Variants in PLA2G6 observed in about 807,000 individuals in gnomAD.
PLA2G6 encodes the protein 85/88 kDa calcium-independent phospholipase A2.
Under a neutral mutation model 83.8 loss-of-function variants are expected in PLA2G6, and 62 were observed. The observed-to-expected ratio is 0.74, with a 90% CI of 0.60 to 0.91. The LOEUF is 0.91. Ranked by LOEUF, PLA2G6 falls within the 40% of genes least tolerant of loss-of-function variation. The pLI is 0.00. For missense variants in PLA2G6, 944 were observed against 1,102.0 expected (o/e 0.86, Z 2.03); for synonymous variants, 417 against 449.8 (o/e 0.93, Z 0.92).
At position 38,160,706 on chromosome 22, in the gene PLA2G6, G is replaced by T. The variant is rs11913898; in HGVS notation, c.209+8512C>A. Among the ~76,000 whole-genome samples, 61 of 152,278 alleles carry T rather than the reference G, an allele frequency of 4.0e-4. 1 individual carries two copies. Among genetic ancestry groups the T allele is most frequent in the African/African-American group, 1.4e-3 (58 of 41,556 alleles). ...CTAAAATACAAAAAATTAGCCGGGC[G>T]TGGTGGCGGGCACCTGTAGTCCCAG... On this transcript the variant is annotated intron_variant, in intron 2 of 16. Coordinates refer to ENST00000332509, the MANE Select transcript of PLA2G6 (RefSeq NM_003560.4).
intron 12 of PLA2G6, 82 bp downstream of exon 12, chr22:38,120,677 G>A: frequency 6.6e-7 from 1 of 1,516,824 alleles, no homozygotes; most frequent in Admixed American, 1.7e-5. Flanking sequence ...CCCTCCCTCA[G>A]CAGGACAGGG....
intron 2 of PLA2G6, 122 bp from the exon 3 acceptor site, chr22:38,145,775 T>G: frequency 2.1e-6 from 1 of 483,690 alleles, no homozygotes; most frequent in Non-Finnish European, 3.7e-6. Flanking sequence ...CCGACTCCCC[T>G]CCCAAGCAAA....
At chr22:38,161,068 G>C (rs947348087) in intron 2 of PLA2G6, among the ~76,000 whole-genome samples, 1 of 152,170 alleles carries the variant, frequency 6.6e-6, no homozygotes, top group Non-Finnish European at 1.5e-5. Flanking sequence ...AGGAGGAGAA[G>C]AATGAAGACA....
intron 4 of PLA2G6, chr22:38,142,239 G>C (rs6001020): frequency 0.3 from 43,848 of 147,458 alleles, 7,429 homozygotes; most frequent in South Asian, 0.43. Context: ...ACATTTTCTG[G>C]TATAACGTAG....
intron 12 of PLA2G6, among the ~76,000 whole-genome samples, chr22:38,119,872 A>G (rs1322868488): frequency 6.6e-6 from 1 of 152,146 alleles, no homozygotes; most frequent in African/African-American, 2.4e-5. Context: ...ATATTTATAA[A>G]TATTATCTAC....
intron 12 of PLA2G6, among the ~76,000 whole-genome samples, chr22:38,118,566 T>C (rs1475654591): frequency 1.3e-5 from 2 of 152,222 alleles, no homozygotes; most frequent in Non-Finnish European, 2.9e-5. Flanking sequence ...GATCTTTTCA[T>C]ATTTTGAAAA....
At chr22:38,166,315 G>A (rs1179514803) in intron 2 of PLA2G6, among the ~76,000 whole-genome samples, 3 of 152,162 alleles carry the variant, frequency 2.0e-5, no homozygotes, top group African/African-American at 4.8e-5. Flanking sequence ...GGCACAGCCC[G>A]TTGCAATGAT....
At position 38,128,465 on chromosome 22, in the gene PLA2G6, G is replaced by A. The variant is rs770467880; in HGVS notation, c.1187-35C>T. On this transcript the variant is annotated intron_variant, in intron 8 of 16. Coordinates refer to ENST00000332509, the MANE Select transcript of PLA2G6 (RefSeq NM_003560.4). The surrounding 1 kb of genome is among the most constrained non-coding windows in gnomAD (Gnocchi z 4.4). Reference sequence around the variant, plus strand: ...GTTTGGGGAAGGGGAGATGGCACAGGATCAGAAATGATGTCAACATGCAAA... The same window carrying A: ...GTTTGGGGAAGGGGAGATGGCACAGAATCAGAAATGATGTCAACATGCAAA... 27 of 1,608,178 alleles carry A rather than the reference G, an allele frequency of 1.7e-5. No individual in the cohort carries two copies. In the Admixed American group the frequency reaches 4.5e-4, roughly 27 times the overall value.
chr22:38,134,957 G>GCCCCCCCCCCCCC, intron 6 of PLA2G6, 31 bp downstream of exon 6: 7 of 995,318 alleles, frequency 7.0e-6, no homozygotes, highest in East Asian at 2.4e-5. Context: ...CCGGCCCCCT[G>GCCCCCCCCCCCCC]CCCCACCCAC....
At chr22:38,177,458 C>CT (rs72012543) in intron 1 of PLA2G6, among the ~76,000 whole-genome samples, 1,495 of 115,616 alleles carry the variant, frequency 0.013, 25 homozygotes, top group African/African-American at 0.031. Context: ...TAAATTGCCA[C>CT]TTTTTTTTTT....
At chr22:38,160,879 A>T (rs1194056216) in intron 2 of PLA2G6, among the ~76,000 whole-genome samples, 1 of 152,012 alleles carries the variant, frequency 6.6e-6, no homozygotes, top group Non-Finnish European at 1.5e-5. Context: ...AAGGCAAGTT[A>T]TTGGTTACCC....
At position 38,115,687 on chromosome 22, in the gene PLA2G6, G is replaced by T; in HGVS notation, c.1880-6C>A. On this transcript the variant is annotated splice_region_variant and splice_polypyrimidine_tract_variant and intron_variant, in intron 13 of 16. Transcript: ENST00000332509. ...CGCCCGCCACACCAGCTGGTCTAGG[G>T]GCGGGGAAGGAGGGCGGCCCAGTGG... 6.9e-6 allele frequency: 11 copies of T among 1,597,478 alleles called. No homozygotes were observed. The highest frequency in any genetic ancestry group is 9.4e-6 in the Non-Finnish European group (11 of 1,172,970).
In PLA2G6 at chr22:38,126,360, G is replaced by T. The variant is rs762148933; in HGVS notation, c.1427+11C>A. 5.1e-5 allele frequency: 82 copies of T among 1,608,218 alleles called. No homozygotes were observed. Among genetic ancestry groups the T allele is most frequent in the Non-Finnish European group, 6.7e-5 (79 of 1,175,074 alleles). On this transcript the variant is annotated intron_variant, in intron 10 of 16. Transcript: ENST00000332509. Reference sequence around the variant, plus strand: ...CGTTCCCCGCTCTGCCCCCGATCTCGATCCACTTACGTCCGCTTCTCGTCC... The same window carrying T: ...CGTTCCCCGCTCTGCCCCCGATCTCTATCCACTTACGTCCGCTTCTCGTCC...
At chr22:38,180,705 G>A (rs974933776) in intron 1 of PLA2G6, among the ~76,000 whole-genome samples, 3 of 152,106 alleles carry the variant, frequency 2.0e-5, no homozygotes, top group Admixed American at 1.3e-4. Flanking sequence ...TTTGTACAGG[G>A]CCATACTGGT....
chr22:38,129,522 C>T lies in PLA2G6; in HGVS notation c.1118G>A (p.Gly373Glu). The change falls in exon 8 of 17, where the codon GGA (glycine) becomes GAA (glutamate). Residue 373 changes from glycine to glutamate, a missense_variant. Physicochemically the swap from Gly to Glu is moderately conservative, Grantham distance 98. Transcript: ENST00000332509. ...VEMIKALIVF[G>E]AEVDTPNDFG... ...GTCATTCGGGGTGTCCACTTCTGCT[C>T]CGAACACGATGAGGGCCTTGATCAT... The T allele has an allele frequency of 6.2e-7, 1 of 1,614,142 alleles. No homozygotes were observed. Among genetic ancestry groups the T allele is most frequent in the Non-Finnish European group, 8.5e-7 (1 of 1,179,972 alleles).
At chr22:38,166,129 T>C (rs2090204261) in intron 2 of PLA2G6, among the ~76,000 whole-genome samples, 1 of 152,198 alleles carries the variant, frequency 6.6e-6, no homozygotes, top group Admixed American at 6.5e-5. Flanking sequence ...CGTGGCTGTC[T>C]GCAACACAGG....
chr22:38,132,525 C>T lies in PLA2G6; in HGVS notation c.1077+306G>A. 1 of 502,368 alleles carries T rather than the reference C, an allele frequency of 2.0e-6. No homozygotes were observed. The allele number at this position is 502,368 out of a possible 1,614,324, so 31.1% of individuals were successfully genotyped here. A position where few individuals can be genotyped will look rare whatever the true frequency, so the allele number is the denominator to read the frequency against. ...AAATCGAGGCTGACAGGTGACATGG[C>T]TTGCTCAGGGCCAGTCTATGGCCAG... On this transcript the variant is annotated intron_variant, in intron 7 of 16. Transcript: ENST00000332509. The surrounding 1 kb of genome is among the most constrained non-coding windows in gnomAD (Gnocchi z 5.0).
At chr22:38,140,552 AGTGT>A (rs2145806067) in intron 4 of PLA2G6, 1 of 279,742 alleles carries the variant, frequency 3.6e-6, no homozygotes, top group South Asian at 3.5e-5. Context: ...GCCAAGTGCC[AGTGT>A]GGATGGGAGG....
In PLA2G6 at chr22:38,174,192, T is replaced by C. The variant is rs375961811; in HGVS notation, c.-45-4721A>G. 2.2e-3 allele frequency among the ~76,000 whole-genome samples: 340 copies of C among 151,996 alleles called. 1 individual carries two copies. The highest frequency in any genetic ancestry group is 7.1e-3 in the African/African-American group (295 of 41,460). ...CGGGCGGATCACGAAATCAGGAGAT[T>C]GAGACCATCCTGGCTAACATGGTGA... On this transcript the variant is annotated intron_variant, in intron 1 of 16. Coordinates refer to ENST00000332509, the MANE Select transcript of PLA2G6 (RefSeq NM_003560.4).
Sources: gnomAD v4.1 joint callset for allele counts (sites outside exome capture counted in the v4.1 genomes callset) on GRCh38, gnomAD v4.1.1 for gene constraint, Gnocchi (gnomAD v3.1) non-coding constraint, MANE v1.5 for transcripts, NCBI Gene and HGNC (gene_info 2026-07-23, HGNC 2026-07-21) for gene names.